The following ENTPD1 variants were observed in gnomAD, a reference collection of about 807,000 sequenced individuals.
The protein encoded by ENTPD1 is ectonucleoside triphosphate diphosphohydrolase 1.
ENTPD1 carries 33 observed loss-of-function variants against 57.0 expected under a neutral mutation model. The observed-to-expected ratio is 0.58, with a 90% CI of 0.44 to 0.77. ENTPD1 has a LOEUF of 0.77. Ranked by LOEUF, ENTPD1 falls within the 30% of genes least tolerant of loss-of-function variation. The probability of loss-of-function intolerance (pLI) is 0.00; values close to 1 mark genes in which losing one functional copy is unlikely to be tolerated. For missense variants in ENTPD1, 501 were observed against 603.4 expected, an observed-to-expected ratio of 0.83 and a Z score of 1.78; for synonymous variants, 202 against 218.8, an observed-to-expected ratio of 0.92 and a Z score of 0.68.
intron 1 of ENTPD1, among the ~76,000 whole-genome samples, chr10:95,778,590 A>G (rs1018489748): frequency 6.6e-6 from 1 of 152,164 alleles, no homozygotes; most frequent in African/African-American, 2.4e-5. Context: ...ACTTTTTAGG[A>G]TATGTCCTCA....
chr10:95,860,068 C>G (rs2098462745), intron 7 of ENTPD1, among the ~76,000 whole-genome samples: 1 of 152,058 alleles, frequency 6.6e-6, no homozygotes, highest in African/African-American at 2.4e-5. Flanking sequence ...GGGAAAAAAC[C>G]AATTTCGCTA....
intron 7 of ENTPD1, among the ~76,000 whole-genome samples, chr10:95,848,505 T>G (rs2098439456): frequency 2.0e-5 from 3 of 152,140 alleles, no homozygotes; most frequent in African/African-American, 7.2e-5. Context: ...CTCATCTTCA[T>G]ATTTGATTTC....
At chr10:95,830,740 T>G (rs943795090) in intron 2 of ENTPD1, among the ~76,000 whole-genome samples, 4 of 151,994 alleles carry the variant, frequency 2.6e-5, no homozygotes, top group Non-Finnish European at 4.4e-5. Context: ...GAGGCAGAGG[T>G]TGCAGTGAGC....
Position 95,866,901 on chromosome 10 carries a change from T to A in ENTPD1, c.*518T>A. 9.8e-7 allele frequency: 1 copy of A among 1,019,732 alleles called. No homozygotes were observed. The highest frequency in any genetic ancestry group is 1.2e-6 in the Non-Finnish European group (1 of 849,870). The allele number at this position is 1,019,732 out of a possible 1,614,324, so 63.2% of individuals were successfully genotyped here. A position where few individuals can be genotyped will look rare whatever the true frequency, so the allele number is the denominator to read the frequency against. On this transcript the variant is annotated 3_prime_UTR_variant, in exon 10 of 10. Coordinates refer to ENST00000371205, the MANE Select transcript of ENTPD1 (RefSeq NM_001776.6). Reference sequence around the variant, plus strand: ...CAGCCTGCTCTGTGGGTAGGAGAATTTTCTACAGTAGGCAAATATGTGCTA... The same window carrying A: ...CAGCCTGCTCTGTGGGTAGGAGAATATTCTACAGTAGGCAAATATGTGCTA...
At chr10:95,856,608 C>G (rs1315990083) in intron 7 of ENTPD1, among the ~76,000 whole-genome samples, 1 of 150,040 alleles carries the variant, frequency 6.7e-6, no homozygotes, top group Non-Finnish European at 1.5e-5. Context: ...GCCCATCAAT[C>G]AACAAGTGGA....
At chr10:95,807,560 T>G (rs887359985) in intron 1 of ENTPD1, among the ~76,000 whole-genome samples, 11 of 152,188 alleles carry the variant, frequency 7.2e-5, no homozygotes, top group African/African-American at 2.7e-4. Context: ...GTACCTCAAT[T>G]GGAAATGCAG....
rs1445083365 is a variant in ENTPD1, at chr10:95,844,617, G to A, written c.555G>A (p.Leu185=). The change falls in exon 5 of 10, where the codon CTG becomes CTA. Residue 185 remains leucine, a synonymous_variant. Transcript: ENST00000371205. The part of the protein sequence containing the change: ...GAYGWITINY[L]LGKFSQKTRW... ...ATGGCTGGATTACTATCAACTATCT[G>A]CTGGGCAAATTCAGTCAGGTGAATA... The A allele has an allele frequency of 6.2e-7, 1 of 1,614,128 alleles. No individual in the cohort carries two copies. Among genetic ancestry groups the A allele is most frequent in the South Asian group, 1.1e-5 (1 of 91,084 alleles).
chr10:95,816,848 C>T (rs1188065171), intron 1 of ENTPD1, among the ~76,000 whole-genome samples: 2 of 152,194 alleles, frequency 1.3e-5, no homozygotes, highest in Non-Finnish European at 2.9e-5. Flanking sequence ...GATAGTATTA[C>T]GTGCACCTTA....
chr10:95,792,836 C>T (rs943730562), intron 1 of ENTPD1, among the ~76,000 whole-genome samples: 5 of 152,164 alleles, frequency 3.3e-5, no homozygotes, highest in African/African-American at 1.2e-4. Context: ...CCTAGTCACT[C>T]TTCCTGCAGA....
intron 1 of ENTPD1, among the ~76,000 whole-genome samples, chr10:95,712,822 C>T (rs1233854829): frequency 1.3e-5 from 2 of 152,132 alleles, no homozygotes; most frequent in African/African-American, 2.4e-5. Context: ...ATCATGAGGT[C>T]AGGAGATCGA....
chr10:95,695,591 G>A, the ENTPD1 span, among the ~76,000 whole-genome samples: 1 of 152,066 alleles, frequency 6.6e-6, no homozygotes, highest in African/African-American at 2.4e-5. Flanking sequence ...ATGTTTTTAT[G>A]TTGTTGTGTG....
In ENTPD1 at chr10:95,738,663, T is replaced by C. The variant is rs1057134587; in HGVS notation, c.37+26670T>C. On this transcript the variant is annotated intron_variant, in intron 1 of 9. Transcript: ENST00000453258. ...ACCATAAATAGGCTATGCATACTCA[T>C]GATGATCTGACTATTTTGAGTAGCT... Among the ~76,000 whole-genome samples, 4 of 152,192 alleles carry C rather than the reference T, an allele frequency of 2.6e-5. No homozygotes were observed. In the East Asian group the frequency reaches 7.7e-4, roughly 29 times the overall value.
rs1205611527 is a variant in ENTPD1, at chr10:95,770,802, A to G, written c.16+14547A>G. 3.9e-5 allele frequency among the ~76,000 whole-genome samples: 6 copies of G among 152,290 alleles called. No homozygotes were observed. The East Asian group carries it at 1.2e-3, about 29-fold the overall frequency. On this transcript the variant is annotated intron_variant, in intron 1 of 9. Transcript: ENST00000371205. ...CATTTCAAATGTGGTGTAGGTATCT[A>G]TGCATTTGGCATTTTAAAAAGACTC...
chr10:95,744,042 C>CTATAAA (rs2098003415), intron 1 of ENTPD1, among the ~76,000 whole-genome samples: 1 of 79,114 alleles, frequency 1.3e-5, no homozygotes, highest in East Asian at 4.3e-4. Context: ...ATATGCACAA[C>CTATAAA]TATAAATAGT....
the ENTPD1 span, among the ~76,000 whole-genome samples, chr10:95,698,942 A>T: frequency 2.0e-5 from 3 of 152,200 alleles, no homozygotes; most frequent in African/African-American, 7.2e-5. Context: ...ACCAAGGTGG[A>T]CACACACTCA....
intron 3 of ENTPD1, among the ~76,000 whole-genome samples, chr10:95,840,138 A>AT (rs2098419469): frequency 6.6e-6 from 1 of 152,142 alleles, no homozygotes; most frequent in African/African-American, 2.4e-5. Flanking sequence ...TATTATACTA[A>AT]TTTTTTAAAA....
At chr10:95,858,156 C>CA (rs35825117) in intron 7 of ENTPD1, among the ~76,000 whole-genome samples, 17,747 of 109,796 alleles carry the variant, frequency 0.16, 1,491 homozygotes, top group African/African-American at 0.27. Context: ...GACTCCATCT[C>CA]AAAAAAAAAA....
intron 1 of ENTPD1, among the ~76,000 whole-genome samples, chr10:95,789,318 A>G (rs920276640): frequency 6.6e-6 from 1 of 152,220 alleles, no homozygotes; most frequent in Non-Finnish European, 1.5e-5. Flanking sequence ...GAAACTCAGT[A>G]TGAGTTGATA....
chr10:95,778,993 A>G (rs529813544), intron 1 of ENTPD1, among the ~76,000 whole-genome samples: 2 of 152,336 alleles, frequency 1.3e-5, no homozygotes, highest in Admixed American at 6.5e-5. Flanking sequence ...GACCAAAAGT[A>G]CTGGTCACAG....
Sources: allele counts gnomAD v4.1 joint callset (sites outside exome capture counted in the v4.1 genomes callset), GRCh38; gene constraint gnomAD v4.1.1; transcripts MANE v1.5; gene names NCBI Gene and HGNC (gene_info 2026-07-23, HGNC 2026-07-21).